THADA: variants seen among roughly 807,000 people sequenced by gnomAD.
THADA encodes the protein tRNA (32-2'-O)-methyltransferase regulator THADA.
In THADA, 213 loss-of-function variants were observed where a neutral mutation model predicts 219.8. That is an observed-to-expected ratio of 0.97 (90% CI 0.87 to 1.09). The LOEUF is 1.09. THADA is among the 50% of genes least tolerant of loss of function. The probability of loss-of-function intolerance (pLI) is 0.00; values close to 1 mark genes in which losing one functional copy is unlikely to be tolerated. For synonymous variants in THADA, 1,018 were observed against 828.9 expected (o/e 1.23, Z -3.92); for missense variants, 2,956 against 2,311.3 (o/e 1.28, Z -5.72).
At chr2:43,437,092 TAA>T (rs1448405717) in intron 26 of THADA, among the ~76,000 whole-genome samples, 1 of 152,212 alleles carries the variant, frequency 6.6e-6, no homozygotes, top group Non-Finnish European at 1.5e-5. Context: ...ACTCCTGCTA[TAA>T]GAGTCATTCA....
At chr2:43,300,603 G>T (rs1001015871) in intron 31 of THADA, among the ~76,000 whole-genome samples, 1 of 152,188 alleles carries the variant, frequency 6.6e-6, no homozygotes, top group African/African-American at 2.4e-5. Context: ...CAGGAACCTT[G>T]CTGGGAGAGG....
rs144971499 is a variant in THADA at position 43,234,613 on chromosome 2, A to T, written c.5297-1731T>A. ...AGTTCTCAATTGGCTGAGAATCTGTATAGAGAAGGGATAATTAAGTGGCCT... is the reference window on the plus strand; with the variant it reads ...AGTTCTCAATTGGCTGAGAATCTGTTTAGAGAAGGGATAATTAAGTGGCCT... On this transcript the variant is annotated intron_variant, in intron 36 of 37. Transcript: ENST00000405975. Among the ~76,000 whole-genome samples the T allele has an allele frequency of 2.5e-3, 380 of 152,322 alleles. 1 individual carries two copies. The highest frequency in any genetic ancestry group is 8.8e-3 in the African/African-American group (367 of 41,572).
intron 31 of THADA, among the ~76,000 whole-genome samples, chr2:43,318,067 T>C (rs1034455188): frequency 3.3e-5 from 5 of 152,098 alleles, no homozygotes; most frequent in Non-Finnish European, 1.5e-5. Flanking sequence ...TGAGACAGGG[T>C]ATCGCTCTGT....
At chr2:43,415,335 T>C (rs1299563150) in intron 28 of THADA, among the ~76,000 whole-genome samples, 2 of 152,160 alleles carry the variant, frequency 1.3e-5, no homozygotes, top group South Asian at 2.1e-4. Flanking sequence ...TAGGTTTCAA[T>C]TACCCTAGGG....
rs534094039 is a variant in THADA, at chr2:43,455,790, G to A, written c.3837-25488C>T. On this transcript the variant is annotated intron_variant, in intron 26 of 37. Transcript: ENST00000405975. ...ATCAATTCTAAATGCAGAATTAAAA[G>A]ATTTTTCTCTTCTTCTCAATTCAGC... Among the ~76,000 whole-genome samples, 182 of 152,288 alleles carry A rather than the reference G, an allele frequency of 1.2e-3. 1 individual carries two copies. The highest frequency in any genetic ancestry group is 4.2e-3 in the African/African-American group (174 of 41,538).
At chr2:43,253,132 G>A (rs1230520493) in intron 36 of THADA, among the ~76,000 whole-genome samples, 1 of 152,146 alleles carries the variant, frequency 6.6e-6, no homozygotes, top group Non-Finnish European at 1.5e-5. Context: ...GACAGATCAG[G>A]GTCTAGAAGA....
chr2:43,450,931 C>T lies in THADA; in HGVS notation c.3837-20629G>A, dbSNP rs978243799. 1.4e-4 allele frequency among the ~76,000 whole-genome samples: 21 copies of T among 152,022 alleles called. 1 individual carries two copies. Among genetic ancestry groups the T allele is most frequent in the Admixed American group, 1.3e-3 (20 of 15,262 alleles). On this transcript the variant is annotated intron_variant, in intron 26 of 37. Transcript: ENST00000405975. ...GAGACAGAAAGTAGAATGGTGGTTA[C>T]TGGGGCACTGGAGGAAAAGGGGAAT...
intron 26 of THADA, among the ~76,000 whole-genome samples, chr2:43,472,774 T>G (rs959285582): frequency 6.6e-6 from 1 of 152,196 alleles, no homozygotes; most frequent in Non-Finnish European, 1.5e-5. Context: ...AGCTAGGCTA[T>G]ATGGTATAGC....
intron 10 of THADA, among the ~76,000 whole-genome samples, chr2:43,576,792 C>G: frequency 6.6e-6 from 1 of 152,106 alleles, no homozygotes; most frequent in East Asian, 1.9e-4. Context: ...GTAGCTGAGA[C>G]TACAGGCGCA....
intron 20 of THADA, among the ~76,000 whole-genome samples, chr2:43,542,105 T>C (rs912485889): frequency 6.6e-6 from 1 of 152,220 alleles, no homozygotes; most frequent in Non-Finnish European, 1.5e-5. Context: ...TTTAGGAGTA[T>C]TTTTGGTACT....
rs570021201 is a variant in THADA, at chr2:43,342,511, A to G, written c.4343+1611T>C. 2.0e-5 allele frequency among the ~76,000 whole-genome samples: 3 copies of G among 152,298 alleles called. 1 individual carries two copies. The South Asian group carries it at 6.2e-4, about 32-fold the overall frequency. ...GGGCTAACTTCCTTATGGTTCTGCA[A>G]ACCTACAGTGCCGTTTCATATTGCT... is the stretch of plus-strand genomic sequence containing the variant. On this transcript the variant is annotated intron_variant, in intron 30 of 37. Coordinates refer to ENST00000405975, the MANE Select transcript of THADA (RefSeq NM_022065.5).
chr2:43,554,155 C>T (rs1697076332), intron 17 of THADA, among the ~76,000 whole-genome samples: 1 of 152,090 alleles, frequency 6.6e-6, no homozygotes, highest in Non-Finnish European at 1.5e-5. Context: ...GTGGCTTGTA[C>T]TTTGGAAGTC....
At chr2:43,336,172 T>A (rs1666407829) in intron 30 of THADA, among the ~76,000 whole-genome samples, 1 of 151,862 alleles carries the variant, frequency 6.6e-6, no homozygotes, top group African/African-American at 2.4e-5. Context: ...GGTGAGAGGA[T>A]CACTTGAGCC....
chr2:43,501,307 CAAAAAAAAAAAAAAAAAAAA>C (rs60448094), intron 24 of THADA, among the ~76,000 whole-genome samples: 3 of 15,044 alleles, frequency 2.0e-4, no homozygotes, highest in African/African-American at 3.8e-4. Flanking sequence ...ACTCCAACTC[CAAAAAAAAAAAAAAAAAAAA>C]AAAAAAAAAA....
chr2:43,250,839 A>C (rs559263607), intron 36 of THADA, among the ~76,000 whole-genome samples: 12 of 152,244 alleles, frequency 7.9e-5, no homozygotes, highest in Admixed American at 4.6e-4. Context: ...GTTAAAGCAA[A>C]GGGAATGGGC....
intron 27 of THADA, among the ~76,000 whole-genome samples, chr2:43,428,666 CTTTT>C (rs555811213): frequency 6.7e-6 from 1 of 149,436 alleles, no homozygotes. Flanking sequence ...TTCCTTTTTT[CTTTT>C]TTTTTTCTAC....
At chr2:43,573,578 G>A (rs565251534) in intron 11 of THADA, among the ~76,000 whole-genome samples, 10 of 152,290 alleles carry the variant, frequency 6.6e-5, no homozygotes, top group African/African-American at 2.4e-4. Flanking sequence ...AACAAGTGTT[G>A]TCAAAAATTA....
Position 43,428,083 on chromosome 2 carries a change from A to T in THADA, c.4058+17T>A, listed in dbSNP as rs371993157. On this transcript the variant is annotated intron_variant, in intron 28 of 37. Coordinates refer to ENST00000405975, the MANE Select transcript of THADA (RefSeq NM_022065.5). ...TCCCACGCCAACCTAGACAATTTCT[A>T]CACAGCATGACACTACCTCATAATG... The T allele has an allele frequency of 3.8e-6, 6 of 1,570,698 alleles. No individual in the cohort carries two copies. The Admixed American group carries it at 1.1e-4, about 28-fold the overall frequency.
At chr2:43,573,885 C>A (rs184576070) in intron 11 of THADA, among the ~76,000 whole-genome samples, 1 of 152,082 alleles carries the variant, frequency 6.6e-6, no homozygotes, top group African/African-American at 2.4e-5. Context: ...ATGGCTATTT[C>A]TTGAGATCAT....
Sources: gnomAD v4.1 joint callset for allele counts (sites outside exome capture counted in the v4.1 genomes callset) on GRCh38, gnomAD v4.1.1 for gene constraint, MANE v1.5 for transcripts, NCBI Gene and HGNC (gene_info 2026-07-23, HGNC 2026-07-21) for gene names.